CYBB: variants seen among roughly 807,000 people sequenced by gnomAD.
The protein encoded by CYBB is NADPH oxidase 2.
In CYBB, 5 loss-of-function variants were observed where a neutral mutation model predicts 46.5. The ratio of observed to expected loss-of-function variants is 0.11; its 90% CI spans 0.06 to 0.23. The LOEUF is 0.23. Among genes scored for constraint, CYBB ranks in the 10% least tolerant of loss-of-function variants. The pLI is 1.00. For synonymous variants in CYBB, 183 were observed against 156.7 expected (o/e 1.17, Z -1.26); for missense variants, 307 against 428.3 (o/e 0.72, Z 2.50).
chrX:37,784,907 T>A (rs1300870346), intron 3 of CYBB, among the ~76,000 whole-genome samples: 4 of 111,503 alleles, frequency 3.6e-5, no homozygotes, highest in African/African-American at 1.3e-4. Flanking sequence ...ATGCTTAATT[T>A]GGCAATTACA....
At chrX:37,800,560 G>GT (rs1556469622) in intron 7 of CYBB, among the ~76,000 whole-genome samples, 1 of 111,538 alleles carries the variant, frequency 9.0e-6, no homozygotes, top group African/African-American at 3.3e-5. Context: ...TTCTTTGCTA[G>GT]TTTAGGTATT....
rs185189234 is a variant in CYBB, at chrX:37,790,290, G to A, written c.253-1685G>A. Among the ~76,000 whole-genome samples the A allele has an allele frequency of 2.8e-4, 31 of 111,050 alleles. No homozygotes were observed. The East Asian group carries it at 8.3e-3, about 30-fold the overall frequency. On this transcript the variant is annotated intron_variant, in intron 3 of 12. Coordinates refer to ENST00000378588, the MANE Select transcript of CYBB (RefSeq NM_000397.4). The stretch of plus-strand genomic sequence containing the variant: ...CCCTCGTTTTCTATGACCACCTTCC[G>A]GATAGAATACTTACACTTAAATTCT...
At chrX:37,795,367 A>T (rs2146811147) in intron 5 of CYBB, among the ~76,000 whole-genome samples, 1 of 111,760 alleles carries the variant, frequency 8.9e-6, no homozygotes, top group Non-Finnish European at 1.9e-5. Flanking sequence ...GCCTTGCAGG[A>T]TCAGGCTGAA....
At chrX:37,782,231 C>T in intron 2 of CYBB, 48 bp downstream of exon 2, 3 of 844,775 alleles carry the variant, frequency 3.6e-6, no homozygotes, top group Non-Finnish European at 5.3e-6. Context: ...TCACATTTCT[C>T]ATCAGACATT....
In CYBB at chrX:37,792,032, G is replaced by A; in HGVS notation, c.310G>A (p.Val104Met). Residue 104 changes from valine to methionine, a missense_variant, in exon 4 of 13, where the codon GTG (valine) becomes ATG (methionine). Physicochemically the swap from Val to Met is conservative, Grantham distance 21. Coordinates refer to ENST00000378588, the MANE Select transcript of CYBB (RefSeq NM_000397.4). The stretch of plus-strand genomic sequence containing the variant: ...CAGGAATCTCACCTTTCATAAAATG[G>A]TGGCATGGATGATTGCACTTCACTC... ...LDRNLTFHKM[V>M]AWMIALHSAI... 3 of 1,205,430 alleles carry A rather than the reference G, an allele frequency of 2.5e-6. No homozygotes were observed. The highest frequency in any genetic ancestry group is 3.4e-6 in the Non-Finnish European group (3 of 890,147).
At chrX:37,804,702 C>T (rs1556471019) in intron 9 of CYBB, among the ~76,000 whole-genome samples, 3 of 106,608 alleles carry the variant, frequency 2.8e-5, no homozygotes, top group Admixed American at 1.0e-4. Context: ...CCTGGCAAGA[C>T]ATAGGGTGTG....
chrX:37,804,967 A>C (rs1556471111), intron 9 of CYBB, 39 bp from the exon 10 acceptor site: 40 of 1,194,094 alleles, frequency 3.3e-5, no homozygotes, highest in Non-Finnish European at 4.3e-5. Context: ...CTGAAGAGCA[A>C]GACATCTCTG....
chrX:37,808,166 A>T (rs782502342), intron 11 of CYBB, among the ~76,000 whole-genome samples: 1 of 112,024 alleles, frequency 8.9e-6, no homozygotes, highest in East Asian at 2.8e-4. Context: ...TGTAAAGAAC[A>T]GAAATTTATT....
rs782440383 is a variant in CYBB at position 37,783,616 on chromosome X, T to C, written c.252+16T>C. On this transcript the variant is annotated intron_variant, in intron 3 of 12. Coordinates refer to ENST00000378588, the MANE Select transcript of CYBB (RefSeq NM_000397.4). ...TTCCAGTGCGGTAAGAGAAAATGTT[T>C]TACTAAGTTCCTCTAATTTTCAAAG... 1 of 1,078,681 alleles carries C rather than the reference T, an allele frequency of 9.3e-7. No homozygotes were observed. The highest frequency in any genetic ancestry group is 1.3e-6 in the Non-Finnish European group (1 of 775,747). The allele number at this position is 1,078,681 out of a possible 1,213,427, so 88.9% of individuals were successfully genotyped here.
At chrX:37,800,883 T>C (rs1202445208) in intron 7 of CYBB, among the ~76,000 whole-genome samples, 2 of 112,251 alleles carry the variant, frequency 1.8e-5, no homozygotes, top group African/African-American at 6.5e-5. Context: ...AATATTGTGT[T>C]GCTGAAATGT....
chrX:37,812,159 C>G lies in CYBB; in HGVS notation c.*1242C>G, dbSNP rs967381933. The G allele has an allele frequency of 8.9e-6, 1 of 112,263 alleles. No homozygotes were observed. Among genetic ancestry groups the G allele is most frequent in the South Asian group, 3.7e-4 (1 of 2,718 alleles). 9.3% of individuals were successfully genotyped at this position (112,263 alleles called of 1,213,427 possible). On this transcript the variant is annotated 3_prime_UTR_variant, in exon 13 of 13. Coordinates refer to ENST00000378588, the MANE Select transcript of CYBB (RefSeq NM_000397.4). ...CAACCCAGAAACAAAAATCTCTATA[C>G]AGAGATCAAATTCACACTCAATAGT...
rs1461171288 is a variant in CYBB at position 37,812,092 on chromosome X, T to C, written c.*1175T>C. The C allele has an allele frequency of 1.8e-5, 2 of 112,311 alleles. No homozygotes were observed. The highest frequency in any genetic ancestry group is 6.5e-5 in the African/African-American group (2 of 30,811). 9.3% of individuals were successfully genotyped at this position (112,311 alleles called of 1,213,427 possible). A position where few individuals can be genotyped will look rare whatever the true frequency, so the allele number is the denominator to read the frequency against. ...AAATGGATCGCATCTGTGTGACTAA[T>C]GGTTTATTTGTATTATATCATCATC... On this transcript the variant is annotated 3_prime_UTR_variant, in exon 13 of 13. Transcript: ENST00000378588.
Position 37,813,015 on chromosome X carries a change from T to C in CYBB, c.*2098T>C, listed in dbSNP as rs1929704977. 1 of 111,792 alleles carries C rather than the reference T, an allele frequency of 8.9e-6. No individual in the cohort carries two copies. Among genetic ancestry groups the C allele is most frequent in the South Asian group, 3.8e-4 (1 of 2,660 alleles). The allele number at this position is 111,792 out of a possible 1,213,427, so 9.2% of individuals were successfully genotyped here. On this transcript the variant is annotated 3_prime_UTR_variant, in exon 13 of 13. Coordinates refer to ENST00000378588, the MANE Select transcript of CYBB (RefSeq NM_000397.4). The stretch of plus-strand genomic sequence containing the variant: ...GCATAATTAAAACCAGCTTCATTTG[T>C]TGCTCCGAGAGTGTTTCTCCAAGGT...
At chrX:37,799,959 C>T (rs182107190) in intron 7 of CYBB, among the ~76,000 whole-genome samples, 1 of 110,878 alleles carries the variant, frequency 9.0e-6, no homozygotes, top group East Asian at 2.8e-4. Context: ...TTTTCCTACT[C>T]TCTTAGCATA....
At chrX:37,807,141 A>G (rs1929582127) in intron 11 of CYBB, among the ~76,000 whole-genome samples, 1 of 110,842 alleles carries the variant, frequency 9.0e-6, no homozygotes, top group Non-Finnish European at 1.9e-5. Context: ...TTCTGAGCAC[A>G]TTTAAGGTAG....
chrX:37,804,744 G>C (rs1556471026), intron 9 of CYBB, among the ~76,000 whole-genome samples: 1 of 108,947 alleles, frequency 9.2e-6, no homozygotes, highest in African/African-American at 3.4e-5. Flanking sequence ...TGTGAAGAGG[G>C]GTGGGGAGAT....
At chrX:37,782,063 C>T (rs1928962658) in intron 1 of CYBB, 25 bp from the exon 2 acceptor site, 2 of 1,153,566 alleles carry the variant, frequency 1.7e-6, no homozygotes, top group Non-Finnish European at 2.4e-6. Flanking sequence ...GCGGAAACTT[C>T]ATGCAATTAT....
At chrX:37,783,115 T>C (rs1465884294) in intron 2 of CYBB, among the ~76,000 whole-genome samples, 1 of 111,543 alleles carries the variant, frequency 9.0e-6, no homozygotes, top group Non-Finnish European at 1.9e-5. Context: ...TGTAACTTAC[T>C]TTGAAATGCA....
intron 3 of CYBB, 144 bp from the exon 4 acceptor site, chrX:37,791,831 T>C (rs1929202677): frequency 4.0e-6 from 2 of 494,217 alleles, no homozygotes; most frequent in African/African-American, 4.7e-5. Context: ...GAACCTCAGT[T>C]TCCTCATTTA....
Sources: gnomAD v4.1 joint callset for allele counts (sites outside exome capture counted in the v4.1 genomes callset) on GRCh38, gnomAD v4.1.1 for gene constraint, MANE v1.5 for transcripts, NCBI Gene and HGNC (gene_info 2026-07-23, HGNC 2026-07-21) for gene names.